The following GLIS1 variants were observed in gnomAD, a reference collection of about 807,000 sequenced individuals.
The protein encoded by GLIS1 is GLIS family zinc finger 1.
In GLIS1, 24 loss-of-function variants were observed where a neutral mutation model predicts 63.8. The observed-to-expected ratio is 0.38, with a 90% confidence interval of 0.27 to 0.53. The LOEUF is 0.53. GLIS1 is among the 20% of genes least tolerant of loss of function. GLIS1 has a pLI of 0.85. For synonymous variants in GLIS1, 450 were observed against 482.5 expected, an observed-to-expected ratio of 0.93 and a Z score of 0.88; for missense variants, 1,036 against 1,074.1, an observed-to-expected ratio of 0.96 and a Z score of 0.50.
At position 53,539,051 on chromosome 1, in the gene GLIS1, G is replaced by C. The variant is rs1411453743; in HGVS notation, c.1321-9099C>G. 6.6e-6 allele frequency among the ~76,000 whole-genome samples: 1 copy of C among 152,032 alleles called. No individual in the cohort carries two copies. The highest frequency in any genetic ancestry group is 1.5e-5 in the Non-Finnish European group (1 of 68,006). ...TGTGGCTAGACATCGTCTGGAATGA[G>C]GAAAGAGGCTCTGCCAGGGGCCAGG... On this transcript the variant is annotated intron_variant, in intron 4 of 10. Transcript: ENST00000628545. This position sits in a 1 kb window ranked among gnomAD's most constrained non-coding sequence, Gnocchi z 5.0.
intron 4 of GLIS1, among the ~76,000 whole-genome samples, chr1:53,581,087 G>A (rs1366878624): frequency 6.6e-6 from 1 of 152,204 alleles, no homozygotes; most frequent in East Asian, 1.9e-4. Context: ...GCAGCAGATG[G>A]TTTCTATGTT....
At chr1:53,563,534 G>A (rs1433561658) in intron 4 of GLIS1, among the ~76,000 whole-genome samples, 1 of 152,178 alleles carries the variant, frequency 6.6e-6, no homozygotes, top group Non-Finnish European at 1.5e-5. Context: ...TAAGCCAGAA[G>A]AAAGAACTGA....
At chr1:53,612,081 C>G (rs1252591093) in intron 2 of GLIS1, among the ~76,000 whole-genome samples, 3 of 152,190 alleles carry the variant, frequency 2.0e-5, no homozygotes, top group African/African-American at 7.2e-5. Flanking sequence ...ATCTTCCCCC[C>G]TCAACTTCCT....
In GLIS1 at chr1:53,654,747, C is replaced by G. The variant is rs995607282; in HGVS notation, c.260-54469G>C. Among the ~76,000 whole-genome samples the G allele has an allele frequency of 5.3e-5, 8 of 152,154 alleles. 1 individual carries two copies. The highest frequency in any genetic ancestry group is 1.2e-4 in the Non-Finnish European group (8 of 68,026). ...TGAGGCGACTGCAGCCCGGCCAGCCCTCCAGCGATCCTCCTAGGAGCAGCG... is the reference window on the plus strand; with the variant it reads ...TGAGGCGACTGCAGCCCGGCCAGCCGTCCAGCGATCCTCCTAGGAGCAGCG... On this transcript the variant is annotated intron_variant, in intron 2 of 10. Transcript: ENST00000628545.
chr1:53,671,583 T>C (rs1646153282), intron 2 of GLIS1, among the ~76,000 whole-genome samples: 1 of 152,202 alleles, frequency 6.6e-6, no homozygotes, highest in African/African-American at 2.4e-5. Flanking sequence ...TTTCACTAAA[T>C]ATAAGAACGG....
At chr1:53,507,061 G>A (rs533160237) in intron 10 of GLIS1, among the ~76,000 whole-genome samples, 5 of 152,276 alleles carry the variant, frequency 3.3e-5, no homozygotes, top group East Asian at 1.9e-4. Flanking sequence ...GGGCTGGGCT[G>A]TGGGGCAGAA....
chr1:53,650,937 C>T (rs893836180), intron 2 of GLIS1, among the ~76,000 whole-genome samples: 1 of 152,174 alleles, frequency 6.6e-6, no homozygotes, highest in Non-Finnish European at 1.5e-5. Context: ...GCCCAGGGAG[C>T]CCTGGATGTT....
At chr1:53,514,865 T>A (rs1644334950) in intron 7 of GLIS1, 84 bp from the exon 8 acceptor site, 13 of 1,420,410 alleles carry the variant, frequency 9.2e-6, no homozygotes, top group African/African-American at 1.5e-5. Flanking sequence ...GTGTGCCTGA[T>A]GATGGAGAAA....
chr1:53,715,867 G>A (rs549792450), intron 2 of GLIS1, among the ~76,000 whole-genome samples: 1 of 152,308 alleles, frequency 6.6e-6, no homozygotes, highest in African/African-American at 2.4e-5. Context: ...AAGAAAGGCT[G>A]CAAACAGAAG....
At chr1:53,670,388 A>G (rs1271811294) in intron 2 of GLIS1, among the ~76,000 whole-genome samples, 4 of 152,224 alleles carry the variant, frequency 2.6e-5, no homozygotes, top group Admixed American at 1.3e-4. Context: ...CTAACTTCTT[A>G]GCATGTCATC....
At chr1:53,566,102 G>T (rs1644934829) in intron 4 of GLIS1, among the ~76,000 whole-genome samples, 2 of 152,158 alleles carry the variant, frequency 1.3e-5, no homozygotes, top group South Asian at 4.1e-4. Flanking sequence ...AATAGACTTA[G>T]AAAGAGCATT....
At chr1:53,683,993 G>A (rs192359676) in intron 2 of GLIS1, among the ~76,000 whole-genome samples, 237 of 152,236 alleles carry the variant, frequency 1.6e-3, no homozygotes, top group African/African-American at 5.6e-3. Flanking sequence ...GGCTTAGAGT[G>A]GAATCTTTTC....
At chr1:53,704,927 A>G (rs1167210616) in intron 2 of GLIS1, among the ~76,000 whole-genome samples, 1 of 152,178 alleles carries the variant, frequency 6.6e-6, no homozygotes, top group Admixed American at 6.5e-5. Context: ...GCACCACCTC[A>G]TGGGAGGCAG....
Position 53,524,879 on chromosome 1 carries a change from G to A in GLIS1, c.1491C>T (p.Tyr497=), listed in dbSNP as rs746577223. The A allele has an allele frequency of 1.9e-4, 304 of 1,606,326 alleles. 2 individuals carry two copies. Among genetic ancestry groups the A allele is most frequent in the Non-Finnish European group, 2.3e-4 (273 of 1,174,166 alleles). ...TGGAGCAGCCAGGGATCTGACAGGC[G>A]TACGGCTTCTGTAACATGGGGGGCA... is the stretch of plus-strand genomic sequence containing the variant. The part of the protein sequence containing the change: ...HQRTHLDTKP[Y]ACQIPGCSKR... Residue 497 remains tyrosine, a synonymous_variant, in exon 6 of 11, where the codon TAC becomes TAT. Coordinates refer to ENST00000628545, the MANE Select transcript of GLIS1 (RefSeq NM_001367484.1).
chr1:53,507,908 A>G (rs1302342693), intron 10 of GLIS1, among the ~76,000 whole-genome samples: 2 of 152,184 alleles, frequency 1.3e-5, no homozygotes, highest in South Asian at 2.1e-4. Flanking sequence ...GGGCACCTCA[A>G]TTCGGGTATA....
intron 2 of GLIS1, among the ~76,000 whole-genome samples, chr1:53,606,000 A>G (rs1267300840): frequency 2.0e-5 from 3 of 152,166 alleles, no homozygotes; most frequent in Non-Finnish European, 4.4e-5. Flanking sequence ...GTCCTGCTCC[A>G]CCATTAACTT....
At chr1:53,601,455 G>GA (rs983358247) in intron 2 of GLIS1, among the ~76,000 whole-genome samples, 1 of 152,114 alleles carries the variant, frequency 6.6e-6, no homozygotes, top group Non-Finnish European at 1.5e-5. Context: ...ATTAAGACGT[G>GA]AAAAAAACCT....
chr1:53,694,005 C>G (rs1000464903), intron 2 of GLIS1, among the ~76,000 whole-genome samples: 2 of 152,046 alleles, frequency 1.3e-5, no homozygotes, highest in Non-Finnish European at 2.9e-5. Flanking sequence ...ACTGGGCTCA[C>G]GAAGAGGAGG....
At position 53,594,493 on chromosome 1, in the gene GLIS1, T is replaced by G. The variant is rs1183877755; in HGVS notation, c.935A>C (p.Glu312Ala). 6.2e-7 allele frequency: 1 copy of G among 1,612,986 alleles called. No individual in the cohort carries two copies. The highest frequency in any genetic ancestry group is 8.5e-7 in the Non-Finnish European group (1 of 1,179,966). ...CAGGAAGCTCGCCTTCCGGCAGGCT[T>G]CAAGTTGCAAGCTGCCCTCATGGCT... ...TDSHEGSLQLEACRKASFLKQ... is the reference protein window; with the variant it reads ...TDSHEGSLQLAACRKASFLKQ... The change falls in exon 4 of 11, where the codon GAA becomes GCA. Residue 312 changes from glutamate (E) to alanine (A), a missense_variant. Physicochemically the swap from Glu to Ala is moderately radical, Grantham distance 107 (BLOSUM62 -1). This residue lies in a region of GLIS1 where 592 missense variants were observed against 593.9 expected (regional missense o/e 1.00). Coordinates refer to ENST00000628545, the MANE Select transcript of GLIS1 (RefSeq NM_001367484.1).
Sources: allele counts gnomAD v4.1 joint callset (sites outside exome capture counted in the v4.1 genomes callset), GRCh38; gene constraint gnomAD v4.1.1; regional missense constraint gnomAD v4.1.1; non-coding constraint Gnocchi (gnomAD v3.1); transcripts MANE v1.5; gene names NCBI Gene and HGNC (gene_info 2026-07-23, HGNC 2026-07-21).